SUN1: variants seen among roughly 807,000 people sequenced by gnomAD.
The protein encoded by SUN1 is Sad1 and UNC84 domain containing 1.
In SUN1, 61 loss-of-function variants were observed where a neutral mutation model predicts 103.2. The ratio of observed to expected loss-of-function variants is 0.59; its 90% CI spans 0.48 to 0.73. The LOEUF (loss-of-function observed/expected upper bound fraction) is 0.73. Ranked by LOEUF, SUN1 falls within the 30% of genes least tolerant of loss-of-function variation. The probability of loss-of-function intolerance (pLI) is 0.00; values close to 1 mark genes in which losing one functional copy is unlikely to be tolerated. For missense variants in SUN1, 1,052 were observed against 1,034.6 expected (o/e 1.02, Z -0.23); for synonymous variants, 490 against 425.7 (o/e 1.15, Z -1.86).
At chr7:855,094 C>T (rs1185765039) in intron 11 of SUN1, 88 bp downstream of exon 11, 2 of 1,030,242 alleles carry the variant, frequency 1.9e-6, no homozygotes, top group East Asian at 2.6e-5. Context: ...ATTTAATGTT[C>T]CTCTTTTTAG....
At position 869,264 on chromosome 7, in the gene SUN1, A is replaced by G. The variant is rs1034001819; in HGVS notation, c.1981-85A>G. 16 of 1,471,294 alleles carry G rather than the reference A, an allele frequency of 1.1e-5. No individual in the cohort carries two copies. The East Asian group carries it at 2.1e-4, about 19-fold the overall frequency. 91.1% of individuals were successfully genotyped at this position (1,471,294 alleles called of 1,614,324 possible). On this transcript the variant is annotated intron_variant, in intron 16 of 18. Transcript: ENST00000401592. ...ACCATGTAAAACTTATTTTTATCTC[A>G]GTATAATCAGTCTTTCCTCTTCCTG...
chr7:857,131 C>T (rs561661241), intron 12 of SUN1, among the ~76,000 whole-genome samples: 9 of 152,290 alleles, frequency 5.9e-5, no homozygotes, highest in African/African-American at 2.2e-4. Context: ...TTTATGCACG[C>T]AGCTCGTATT....
upstream of SUN1, chr7:816,003 T>A (rs971622061): frequency 1.5e-5 from 3 of 198,518 alleles, no homozygotes; most frequent in Non-Finnish European, 3.2e-5. Context: ...GACGCCCTCC[T>A]GGAGATTCAG....
chr7:843,628 A>T, intron 5 of SUN1, 108 bp downstream of exon 5: 1 of 1,598,462 alleles, frequency 6.3e-7, no homozygotes, highest in East Asian at 2.2e-5. Flanking sequence ...ACTTAAAATT[A>T]TCCCTTGAAA....
chr7:856,545 A>G (rs1010430340), intron 12 of SUN1, 144 bp downstream of exon 12: 14 of 857,382 alleles, frequency 1.6e-5, no homozygotes, highest in Non-Finnish European at 2.1e-5. Flanking sequence ...GCCGACAGAC[A>G]CTCCTGCTGG....
chr7:868,022 C>T (rs1253339935), intron 16 of SUN1, among the ~76,000 whole-genome samples: 1 of 152,226 alleles, frequency 6.6e-6, no homozygotes, highest in Non-Finnish European at 1.5e-5. Context: ...GAGAGCAGTT[C>T]AAGGCTCAGC....
rs545117057 is a variant in SUN1 at position 841,011 on chromosome 7, G to A, written c.267-935G>A. 2.7e-3 allele frequency among the ~76,000 whole-genome samples: 402 copies of A among 150,504 alleles called. 2 individuals are homozygous for A. Among genetic ancestry groups the A allele is most frequent in the African/African-American group, 9.0e-3 (368 of 40,846 alleles). On this transcript the variant is annotated intron_variant, in intron 2 of 18. Coordinates refer to ENST00000401592, the MANE Select transcript of SUN1 (RefSeq NM_001130965.3). ...TGCAATGGCGCGATCTTGGCTCACC[G>A]CAACCTCTGCCTTCCAGGTTCAAGC...
chr7:861,899 G>A (rs762592603), intron 15 of SUN1, among the ~76,000 whole-genome samples: 5 of 152,256 alleles, frequency 3.3e-5, no homozygotes, highest in Non-Finnish European at 5.9e-5. Context: ...CAGGACCTCA[G>A]AGAAATACAA....
Position 854,987 on chromosome 7 carries a change from A to G in SUN1, c.1331A>G (p.Lys444Arg). The part of the protein sequence containing the change: ...RMSHLEDILG[K>R]LREKSEAIQK... ...TCACACTTGGAAGATATTCTGGGAA[A>G]ACTGAGAGAAAAATCTGAGGTATTT... Residue 444 changes from lysine to arginine, a missense_variant, in exon 11 of 19, where the codon AAA (lysine) becomes AGA (arginine). By Grantham distance (26) the Lys-to-Arg change is conservative. Coordinates refer to ENST00000401592, the MANE Select transcript of SUN1 (RefSeq NM_001130965.3). 6.2e-7 allele frequency: 1 copy of G among 1,613,372 alleles called. No individual in the cohort carries two copies. The highest frequency in any genetic ancestry group is 8.5e-7 in the Non-Finnish European group (1 of 1,179,652).
intron 1 of SUN1, among the ~76,000 whole-genome samples, chr7:819,428 A>C (rs1271196180): frequency 6.6e-6 from 1 of 152,166 alleles, no homozygotes; most frequent in Non-Finnish European, 1.5e-5. Context: ...ATCCAAGGTC[A>C]GGAGGATTTG....
chr7:866,188 C>T, intron 16 of SUN1, 121 bp downstream of exon 16: 1 of 829,542 alleles, frequency 1.2e-6, no homozygotes, highest in Non-Finnish European at 1.9e-6. Flanking sequence ...GGAACTGGTA[C>T]CACAAGAAGT....
At chr7:815,858 G>C (rs1447529532), upstream of SUN1, 9 of 210,180 alleles carry the variant, frequency 4.3e-5, no homozygotes, top group Non-Finnish European at 3.0e-5. Flanking sequence ...CGCCCGGAGC[G>C]GCGGGGAATT....
intron 13 of SUN1, among the ~76,000 whole-genome samples, chr7:859,028 C>T (rs1269328397): frequency 1.3e-5 from 2 of 151,972 alleles, no homozygotes; most frequent in African/African-American, 4.8e-5. Flanking sequence ...TGGTGGGTGC[C>T]TGTAATCTCA....
At position 857,885 on chromosome 7, in the gene SUN1, G is replaced by C. The variant is rs769379867; in HGVS notation, c.1452G>C (p.Gln484His). 7.5e-6 allele frequency: 12 copies of C among 1,602,324 alleles called. No homozygotes were observed. In the South Asian group the frequency reaches 1.2e-4, roughly 16 times the overall value. The change falls in exon 13 of 19, where the codon CAG (glutamine) becomes CAC (histidine). Residue 484 changes from glutamine to histidine, a missense_variant. Gln to His is a conservative substitution (Grantham distance 24). Around this residue, in one of 2 missense-constraint regions of SUN1, gnomAD observed 846 missense variants for 774.5 expected, o/e 1.09. Transcript: ENST00000401592. ...TVEHLQLELD[Q>H]LKSELSSWRH... ...AGCACCTCCAGCTGGAGCTGGATCAGCTAAAGTCAGAGCTGTCCAGCTGGC... is the reference window on the plus strand; with the variant it reads ...AGCACCTCCAGCTGGAGCTGGATCACCTAAAGTCAGAGCTGTCCAGCTGGC...
At chr7:868,426 G>A (rs1265838195) in intron 16 of SUN1, 1 of 283,514 alleles carries the variant, frequency 3.5e-6, no homozygotes. Context: ...GCTGCACCGT[G>A]GCCGGGTTAG....
chr7:847,062 T>C (rs576017690), intron 5 of SUN1, among the ~76,000 whole-genome samples: 1 of 152,344 alleles, frequency 6.6e-6, no homozygotes, highest in East Asian at 1.9e-4. Context: ...GGTGCTCCAG[T>C]GTCCCATTCT....
intron 13 of SUN1, 134 bp downstream of exon 13, chr7:858,091 C>T (rs1829172965): frequency 6.9e-6 from 8 of 1,156,822 alleles, no homozygotes; most frequent in Non-Finnish European, 9.2e-6. Flanking sequence ...TGCTGTGGCA[C>T]GCAGGCTAGA....
intron 5 of SUN1, among the ~76,000 whole-genome samples, chr7:845,321 G>T (rs1462556007): frequency 6.6e-6 from 1 of 152,140 alleles, no homozygotes; most frequent in Non-Finnish European, 1.5e-5. Flanking sequence ...GCCTCCCCGC[G>T]GATGTCGGTC....
upstream of SUN1, chr7:832,161 C>T (rs1798586881): frequency 1.1e-6 from 1 of 879,972 alleles, no homozygotes; most frequent in African/African-American, 1.8e-5. Context: ...AACATTTTGA[C>T]ACAGTGAGGA....
Sources: gnomAD v4.1 joint callset for allele counts (sites outside exome capture counted in the v4.1 genomes callset) on GRCh38, gnomAD v4.1.1 for gene constraint, gnomAD v4.1.1 regional missense constraint, MANE v1.5 for transcripts, NCBI Gene and HGNC (gene_info 2026-07-23, HGNC 2026-07-21) for gene names.